GRIK1: variants seen among roughly 807,000 people sequenced by gnomAD.
The protein encoded by GRIK1 is glutamate receptor ionotropic, kainate 1.
Under a neutral mutation model 105.7 loss-of-function variants are expected in GRIK1, and 69 were observed. The ratio of observed to expected loss-of-function variants is 0.65; its 90% CI spans 0.54 to 0.80. GRIK1 has a LOEUF of 0.80. Among genes scored for constraint, GRIK1 ranks in the 30% least tolerant of loss-of-function variants. GRIK1 has a pLI of 0.00. For missense variants in GRIK1, 1,109 were observed against 1,167.3 expected, an observed-to-expected ratio of 0.95 and a Z score of 0.73; for synonymous variants, 438 against 431.3, an observed-to-expected ratio of 1.02 and a Z score of -0.19.
intron 7 of GRIK1, among the ~76,000 whole-genome samples, chr21:29,630,912 A>G (rs1181965876): frequency 6.6e-6 from 1 of 151,510 alleles, no homozygotes; most frequent in Non-Finnish European, 1.5e-5. Context: ...TGATCCTCCC[A>G]CCCTCTTGAG....
chr21:29,922,570 A>T (rs781551282), intron 1 of GRIK1, among the ~76,000 whole-genome samples: 3 of 152,150 alleles, frequency 2.0e-5, no homozygotes, highest in Admixed American at 2.0e-4. Flanking sequence ...AAAAATTATG[A>T]TCTATATTGG....
At chr21:29,655,486 A>C (rs2062831566) in intron 4 of GRIK1, among the ~76,000 whole-genome samples, 1 of 152,112 alleles carries the variant, frequency 6.6e-6, no homozygotes. Context: ...TGTCTTTCCC[A>C]CTGCCTAAGT....
chr21:29,734,422 T>TTTTCTTTTC (rs1555880504), intron 1 of GRIK1, among the ~76,000 whole-genome samples: 1 of 12,312 alleles, frequency 8.1e-5, no homozygotes, highest in African/African-American at 1.0e-4. Context: ...TTTTCTTTTC[T>TTTTCTTTTC]TTTTGAGACA....
chr21:29,603,635 C>G (rs2061560222), intron 7 of GRIK1, among the ~76,000 whole-genome samples: 1 of 152,074 alleles, frequency 6.6e-6, no homozygotes. Context: ...AGTTTTTGTA[C>G]TCTGGTCATT....
intron 1 of GRIK1, among the ~76,000 whole-genome samples, chr21:29,695,476 C>CTATCTATATATATATA (rs201600727): frequency 2.9e-5 from 4 of 139,946 alleles, no homozygotes; most frequent in Non-Finnish European, 6.1e-5. Context: ...ATCTATCTAT[C>CTATCTATATATATATA]TATATATATA....
At chr21:29,593,917 C>A (rs1392399455) in intron 9 of GRIK1, among the ~76,000 whole-genome samples, 3 of 152,208 alleles carry the variant, frequency 2.0e-5, no homozygotes, top group African/African-American at 7.2e-5. Context: ...AGTGCAGAAG[C>A]TAAGAGATCA....
Position 29,857,574 on chromosome 21 carries a change from T to G in GRIK1, c.118+81809A>C, listed in dbSNP as rs894092185. On this transcript the variant is annotated intron_variant, in intron 1 of 17. Transcript: ENST00000327783. ...TTTGGCAGGCATTTTTGAGAATTTTTTGTTAGACATTGGCTATTTCCAGAA... is the reference window on the plus strand; with the variant it reads ...TTTGGCAGGCATTTTTGAGAATTTTGTGTTAGACATTGGCTATTTCCAGAA... Among the ~76,000 whole-genome samples, 10 of 152,342 alleles carry G rather than the reference T, an allele frequency of 6.6e-5. No individual in the cohort carries two copies. In the Middle Eastern group the frequency reaches 0.014, roughly 207 times the overall value.
intron 1 of GRIK1, among the ~76,000 whole-genome samples, chr21:29,772,228 C>A (rs1476655727): frequency 1.3e-5 from 2 of 152,050 alleles, no homozygotes; most frequent in Non-Finnish European, 2.9e-5. Context: ...GTAAGAAAAT[C>A]AACTGAATAC....
chr21:29,905,592 C>A lies in GRIK1; in HGVS notation c.118+33791G>T, dbSNP rs373764107. On this transcript the variant is annotated intron_variant, in intron 1 of 17. Transcript: ENST00000327783. ...TCCCTAGTAGCAGGGATTACAAACA[C>A]GCACCATCATGCCCAGCAAATTTTG... is the stretch of plus-strand genomic sequence containing the variant. Among the ~76,000 whole-genome samples, 68 of 149,606 alleles carry A rather than the reference C, an allele frequency of 4.5e-4. No individual in the cohort carries two copies. In the South Asian group the frequency reaches 9.0e-3, roughly 20 times the overall value.
At chr21:29,620,792 T>TAG (rs1491286680) in intron 7 of GRIK1, among the ~76,000 whole-genome samples, 2,365 of 109,630 alleles carry the variant, frequency 0.022, 28 homozygotes, top group South Asian at 0.043. Flanking sequence ...GATATATATA[T>TAG]CTATATATAT....
chr21:29,611,079 G>C (rs1401776471), intron 7 of GRIK1, among the ~76,000 whole-genome samples: 3 of 152,040 alleles, frequency 2.0e-5, no homozygotes, highest in African/African-American at 7.2e-5. Context: ...TCTAAAACTT[G>C]GAAATAAAAC....
intron 1 of GRIK1, among the ~76,000 whole-genome samples, chr21:29,715,434 C>T (rs1275841368): frequency 1.3e-5 from 2 of 152,104 alleles, no homozygotes; most frequent in Non-Finnish European, 2.9e-5. Flanking sequence ...ACAATTTAAA[C>T]TTGTGCCAAA....
chr21:29,702,556 C>T (rs1412174985), intron 1 of GRIK1, among the ~76,000 whole-genome samples: 2 of 152,014 alleles, frequency 1.3e-5, no homozygotes, highest in African/African-American at 2.4e-5. Context: ...TATTAAAATA[C>T]AAAAATTAGC....
At chr21:29,930,479 T>C (rs151281528) in intron 1 of GRIK1, among the ~76,000 whole-genome samples, 2 of 152,216 alleles carry the variant, frequency 1.3e-5, no homozygotes, top group African/African-American at 4.8e-5. Context: ...GAAGTGTTTT[T>C]TTCCCCCTCT....
intron 3 of GRIK1, among the ~76,000 whole-genome samples, chr21:29,688,060 T>A (rs2063518062): frequency 6.6e-6 from 1 of 152,238 alleles, no homozygotes; most frequent in South Asian, 2.1e-4. Context: ...ATATTCTTTT[T>A]CAAAGCCCTT....
At chr21:29,587,783 C>T (rs1006064842) in intron 11 of GRIK1, among the ~76,000 whole-genome samples, 194 bp from the exon 12 acceptor site, 1 of 151,566 alleles carries the variant, frequency 6.6e-6, no homozygotes, top group Non-Finnish European at 1.5e-5. Flanking sequence ...CAAAGAGAAA[C>T]CAGAAAGTAT....
intron 7 of GRIK1, among the ~76,000 whole-genome samples, chr21:29,624,412 T>C (rs1240533468): frequency 6.6e-6 from 1 of 152,122 alleles, no homozygotes; most frequent in African/African-American, 2.4e-5. Context: ...AAAAAGGCAT[T>C]TTTTAGAAGT....
In GRIK1 at chr21:29,795,859, C is replaced by A. The variant is rs568654479; in HGVS notation, c.119-101796G>T. On this transcript the variant is annotated intron_variant, in intron 1 of 17. Coordinates refer to ENST00000327783, the MANE Select transcript of GRIK1 (RefSeq NM_001330994.2). ...TTGATAGTGAGGCTATCAACTTTTT[C>A]TTTTTTTCTGCTTGTAAGTCTGTCT... Among the ~76,000 whole-genome samples the A allele has an allele frequency of 1.6e-4, 25 of 152,166 alleles. No homozygotes were observed. In the South Asian group the frequency reaches 5.0e-3, roughly 30 times the overall value.
chr21:29,558,536 C>T (rs1378032135), intron 15 of GRIK1, among the ~76,000 whole-genome samples: 2 of 151,604 alleles, frequency 1.3e-5, no homozygotes, highest in Non-Finnish European at 2.9e-5. Context: ...ATTATTCCTT[C>T]ATTGTTTTTG....
Sources: allele counts gnomAD v4.1 joint callset (sites outside exome capture counted in the v4.1 genomes callset), GRCh38; gene constraint gnomAD v4.1.1; transcripts MANE v1.5; gene names NCBI Gene and HGNC (gene_info 2026-07-23, HGNC 2026-07-21).